The following C12orf60 variants were observed in gnomAD, a reference collection of about 807,000 sequenced individuals.
The protein encoded by C12orf60 is uncharacterized protein C12orf60.
For missense variants in C12orf60, 284 were observed against 283.2 expected, an observed-to-expected ratio of 1.00 and a Z score of -0.02; for synonymous variants, 102 against 94.6, an observed-to-expected ratio of 1.08 and a Z score of -0.45.
intron 1 of C12orf60, among the ~76,000 whole-genome samples, chr12:14,812,362 T>A (rs1274655541): frequency 1.3e-5 from 2 of 152,000 alleles, no homozygotes; most frequent in African/African-American, 2.4e-5. Flanking sequence ...GAGAATGGCA[T>A]GAGCCTGGGA....
At chr12:14,803,927 A>C (rs1950006775) in intron 1 of C12orf60, among the ~76,000 whole-genome samples, 176 bp downstream of exon 1, 1 of 152,122 alleles carries the variant, frequency 6.6e-6, no homozygotes, top group Non-Finnish European at 1.5e-5. Flanking sequence ...TTTGCCACTG[A>C]GTTTAATCCG....
Position 14,823,108 on chromosome 12 carries a change from A to T in C12orf60, c.173A>T (p.Asp58Val), listed in dbSNP as rs1157198046. The change falls in exon 2 of 2, where the codon GAT becomes GTT. Residue 58 changes from aspartate (D) to valine (V), a missense_variant. Physicochemically the swap from Asp to Val is radical, Grantham distance 152. Transcript: ENST00000330828. ...MAVKNNSYIK[D>V]FFEQMLKIFK... ...GTGAAAAACAATAGTTACATTAAGGATTTTTTTGAGCAAATGCTCAAAATT... is the reference window on the plus strand; with the variant it reads ...GTGAAAAACAATAGTTACATTAAGGTTTTTTTTGAGCAAATGCTCAAAATT... 6.2e-7 allele frequency: 1 copy of T among 1,613,958 alleles called. No homozygotes were observed. Among genetic ancestry groups the T allele is most frequent in the Non-Finnish European group, 8.5e-7 (1 of 1,179,996 alleles).
chr12:14,810,395 G>A (rs1210537286), intron 1 of C12orf60, among the ~76,000 whole-genome samples: 1 of 152,184 alleles, frequency 6.6e-6, no homozygotes, highest in African/African-American at 2.4e-5. Flanking sequence ...AGCGAAGAAG[G>A]CAATTATTGA....
intron 1 of C12orf60, among the ~76,000 whole-genome samples, chr12:14,809,509 A>T (rs972026914): frequency 6.6e-6 from 1 of 152,198 alleles, no homozygotes; most frequent in Non-Finnish European, 1.5e-5. Context: ...TATCTGTTTA[A>T]TAATAATAAA....
Position 14,820,115 on chromosome 12 carries a change from A to C in C12orf60, c.-24-2797A>C, listed in dbSNP as rs572727364. ...TCCATAGCTTATGTCTTTTAAGGGA[A>C]TAGGCCTATTATATTTAGACTGTTG... On this transcript the variant is annotated intron_variant, in intron 1 of 1. Coordinates refer to ENST00000330828, the MANE Select transcript of C12orf60 (RefSeq NM_175874.4). 4.6e-5 allele frequency among the ~76,000 whole-genome samples: 7 copies of C among 150,982 alleles called. No homozygotes were observed. The South Asian group carries it at 1.1e-3, about 23-fold the overall frequency.
Position 14,824,098 on chromosome 12 carries a change from A to G in C12orf60, c.*425A>G, listed in dbSNP as rs1950346031. The G allele has an allele frequency of 6.5e-6, 1 of 154,254 alleles. No individual in the cohort carries two copies. Among genetic ancestry groups the G allele is most frequent in the East Asian group, 1.9e-4 (1 of 5,232 alleles). The allele number at this position is 154,254 out of a possible 1,614,324, so 9.6% of individuals were successfully genotyped here. A position where few individuals can be genotyped will look rare whatever the true frequency, so the allele number is the denominator to read the frequency against. On this transcript the variant is annotated 3_prime_UTR_variant, in exon 2 of 2. Coordinates refer to ENST00000330828, the MANE Select transcript of C12orf60 (RefSeq NM_175874.4). ...AAAATAAACTCCATTTTTGTCACTC[A>G]TATACCAATTTCTATATACTTCAGT...
At chr12:14,805,313 A>G (rs1950031148) in intron 1 of C12orf60, 1 of 152,174 alleles carries the variant, frequency 6.6e-6, no homozygotes, top group Non-Finnish European at 1.5e-5. Flanking sequence ...GCGATATTTA[A>G]TTATCACAGT....
intron 1 of C12orf60, chr12:14,806,081 C>T (rs769758771): frequency 3.7e-6 from 6 of 1,614,144 alleles, no homozygotes; most frequent in Non-Finnish European, 4.2e-6. Flanking sequence ...ATTTGAACTC[C>T]ACCAGATGCT....
rs764467786 is a variant in C12orf60 at position 14,823,104 on chromosome 12, A to G, written c.169A>G (p.Lys57Glu). The change falls in exon 2 of 2, where the codon AAG (lysine) becomes GAG (glutamate). Residue 57 changes from lysine (K) to glutamate (E), a missense_variant. Lys to Glu is a moderately conservative substitution (Grantham distance 56). Coordinates refer to ENST00000330828, the MANE Select transcript of C12orf60 (RefSeq NM_175874.4). Reference protein sequence around the residue: ...LMAVKNNSYIKDFFEQMLKIF... With the variant: ...LMAVKNNSYIEDFFEQMLKIF... ...GGCTGTGAAAAACAATAGTTACATT[A>G]AGGATTTTTTTGAGCAAATGCTCAA... The G allele has an allele frequency of 1.9e-6, 3 of 1,614,170 alleles. No homozygotes were observed. Among genetic ancestry groups the G allele is most frequent in the Admixed American group, 1.7e-5 (1 of 60,024 alleles).
chr12:14,823,142 G>A lies in C12orf60; in HGVS notation c.207G>A (p.Glu69=). 6.2e-7 allele frequency: 1 copy of A among 1,614,122 alleles called. No individual in the cohort carries two copies. Among genetic ancestry groups the A allele is most frequent in the Non-Finnish European group, 8.5e-7 (1 of 1,180,010 alleles). The change falls in exon 2 of 2, where the codon GAG becomes GAA. Residue 69 remains glutamate (E), a synonymous_variant. Coordinates refer to ENST00000330828, the MANE Select transcript of C12orf60 (RefSeq NM_175874.4). ...FFEQMLKIFK[E]MQSVVDARHD... is the part of the protein sequence containing the mutation. The stretch of plus-strand genomic sequence containing the variant: ...AGCAAATGCTCAAAATTTTTAAGGA[G>A]ATGCAATCTGTAGTGGATGCAAGAC...
chr12:14,807,244 GT>G (rs1488499503), intron 1 of C12orf60, among the ~76,000 whole-genome samples: 1 of 152,202 alleles, frequency 6.6e-6, no homozygotes, highest in Non-Finnish European at 1.5e-5. Flanking sequence ...AGATTTTGTG[GT>G]GGTGAGAAAT....
chr12:14,815,110 G>A (rs71532847), intron 1 of C12orf60, among the ~76,000 whole-genome samples: 22,081 of 152,228 alleles, frequency 0.15, 1,960 homozygotes, highest in Non-Finnish European at 0.2. Context: ...ATCTCCTGGT[G>A]GAGGGGAGAG....
chr12:14,823,398 G>A lies in C12orf60; in HGVS notation c.463G>A (p.Asp155Asn), dbSNP rs2137290754. The change falls in exon 2 of 2, where the codon GAC becomes AAC. Residue 155 changes from aspartate to asparagine, a missense_variant. Transcript: ENST00000330828. ...CCCCATCATGAATCTTCAATTAAGT[G>A]ACTTCTATACAGAAGACACCAAAGA... is the stretch of plus-strand genomic sequence containing the variant. Reference protein sequence around the residue: ...KFPIMNLQLSDFYTEDTKEQS... With the variant: ...KFPIMNLQLSNFYTEDTKEQS... The A allele has an allele frequency of 6.2e-7, 1 of 1,613,930 alleles. No homozygotes were observed. Among genetic ancestry groups the A allele is most frequent in the East Asian group, 2.2e-5 (1 of 44,882 alleles).
intron 1 of C12orf60, 34 bp from the exon 2 acceptor site, chr12:14,822,878 T>C: frequency 6.7e-7 from 1 of 1,502,518 alleles, no homozygotes; most frequent in Non-Finnish European, 8.9e-7. Context: ...AATCGACTTT[T>C]ATTTTTCATT....
At chr12:14,814,732 C>A (rs1383594978) in intron 1 of C12orf60, among the ~76,000 whole-genome samples, 1 of 152,172 alleles carries the variant, frequency 6.6e-6, no homozygotes, top group Admixed American at 6.5e-5. Flanking sequence ...AGTCCAACTT[C>A]ACTCTTTTCC....
At chr12:14,816,806 G>A (rs1168190214) in intron 1 of C12orf60, among the ~76,000 whole-genome samples, 1 of 147,458 alleles carries the variant, frequency 6.8e-6, no homozygotes, top group Admixed American at 6.8e-5. Context: ...GTGCAGTGGT[G>A]CCATCTTGGC....
intron 1 of C12orf60, chr12:14,805,915 C>T: frequency 7.8e-7 from 1 of 1,285,238 alleles, no homozygotes; most frequent in Non-Finnish European, 1.1e-6. Context: ...ATATTGGAAG[C>T]CTATAGAAAA....
chr12:14,806,796 A>G, intron 1 of C12orf60: 1 of 1,060,612 alleles, frequency 9.4e-7, no homozygotes, highest in Non-Finnish European at 1.4e-6. Context: ...CATAGCAAAG[A>G]AGCAAGATGC....
rs1950002108 is a variant in C12orf60, at chr12:14,803,718, T to C, written c.-58T>C. The C allele has an allele frequency of 2.6e-6, 1 of 381,550 alleles. No individual in the cohort carries two copies. The highest frequency in any genetic ancestry group is 3.7e-5 in the East Asian group (1 of 26,692). 23.6% of individuals were successfully genotyped at this position (381,550 alleles called of 1,614,324 possible). On this transcript the variant is annotated 5_prime_UTR_variant, in exon 1 of 2. Transcript: ENST00000330828. ...GTGGCTGACGGTCCTGTCTCTCGAG[T>C]TGGAGGCATCTTGACTTAGTTGCTG...
Sources: gnomAD v4.1 joint callset for allele counts (sites outside exome capture counted in the v4.1 genomes callset) on GRCh38, gnomAD v4.1.1 for gene constraint, MANE v1.5 for transcripts, NCBI Gene and HGNC (gene_info 2026-07-23, HGNC 2026-07-21) for gene names.